The following MARCHF1 variants were observed in gnomAD, a reference collection of about 807,000 sequenced individuals.
MARCHF1 encodes membrane associated ring-CH-type finger 1.
In MARCHF1, 40 loss-of-function variants were observed where a neutral mutation model predicts 54.2. The observed-to-expected ratio is 0.74, with a 90% CI of 0.57 to 0.96. The LOEUF (loss-of-function observed/expected upper bound fraction) is 0.96, where lower values mean the gene tolerates loss of function less well. Among genes scored for constraint, MARCHF1 ranks in the 40% least tolerant of loss-of-function variants. The pLI, the probability that MARCHF1 is intolerant of heterozygous loss-of-function variation, is 0.00. For synonymous variants in MARCHF1, 236 were observed against 236.3 expected, an observed-to-expected ratio of 1.00 and a Z score of 0.01; for missense variants, 586 against 656.5, an observed-to-expected ratio of 0.89 and a Z score of 1.17.
chr4:163,876,447 A>G (rs1480790675), intron 3 of MARCHF1, among the ~76,000 whole-genome samples: 1 of 152,088 alleles, frequency 6.6e-6, no homozygotes, highest in Non-Finnish European at 1.5e-5. Flanking sequence ...CTTCCCTCCA[A>G]CTACTTCCAC....
intron 1 of MARCHF1, among the ~76,000 whole-genome samples, chr4:164,341,152 G>T (rs1394645536): frequency 6.6e-6 from 1 of 151,806 alleles, no homozygotes; most frequent in Non-Finnish European, 1.5e-5. Flanking sequence ...AAGATGCAGA[G>T]AAAGTATTTG....
intron 2 of MARCHF1, among the ~76,000 whole-genome samples, chr4:164,099,843 T>C (rs1045860880): frequency 6.6e-6 from 1 of 152,196 alleles, no homozygotes; most frequent in Non-Finnish European, 1.5e-5. Context: ...TAATACTTTT[T>C]AATTTTGTTA....
intron 6 of MARCHF1, 95 bp from the exon 7 acceptor site, chr4:163,613,133 C>T (rs1475661673): frequency 7.0e-6 from 9 of 1,277,000 alleles, no homozygotes; most frequent in African/African-American, 1.5e-5. Context: ...ACAGCATGGA[C>T]CAGAAGTAGA....
At chr4:164,205,282 C>G (rs1731575313) in intron 1 of MARCHF1, among the ~76,000 whole-genome samples, 1 of 152,160 alleles carries the variant, frequency 6.6e-6, no homozygotes, top group Non-Finnish European at 1.5e-5. Context: ...TGTCCTCAAA[C>G]TGTGCAAAGA....
intron 4 of MARCHF1, among the ~76,000 whole-genome samples, chr4:163,742,358 C>T (rs1746223036): frequency 7.1e-6 from 1 of 140,812 alleles, no homozygotes; most frequent in Non-Finnish European, 1.6e-5. Context: ...CTCCCTCCCT[C>T]CCTCCCTCTC....
intron 1 of MARCHF1, among the ~76,000 whole-genome samples, chr4:164,297,044 T>C (rs1441929498): frequency 6.6e-6 from 1 of 152,150 alleles, no homozygotes; most frequent in Admixed American, 6.5e-5. Flanking sequence ...ACCGTTAAAA[T>C]AAAATAATAA....
rs73868922 is a variant in MARCHF1, at chr4:163,877,563, C to T, written c.-38-23394G>A. On this transcript the variant is annotated intron_variant, in intron 3 of 9. Coordinates refer to ENST00000514618, the MANE Select transcript of MARCHF1 (RefSeq NM_001394959.1). Reference sequence around the variant, plus strand: ...TCACAGATACTCTCAAATTTTATCACCCTAATCTCTTTACTTTCCTTATCT... The same window carrying T: ...TCACAGATACTCTCAAATTTTATCATCCTAATCTCTTTACTTTCCTTATCT... Among the ~76,000 whole-genome samples the T allele has an allele frequency of 4.5e-3, 687 of 151,718 alleles. 3 individuals carry two copies. Among genetic ancestry groups the T allele is most frequent in the African/African-American group, 0.016 (661 of 41,406 alleles).
chr4:163,622,717 G>C (rs536772216), intron 5 of MARCHF1, among the ~76,000 whole-genome samples: 1 of 152,176 alleles, frequency 6.6e-6, no homozygotes, highest in Non-Finnish European at 1.5e-5. Context: ...ACAGCTAAAC[G>C]TGGAAGAGGG....
At chr4:163,861,883 A>C (rs1749944966) in intron 3 of MARCHF1, among the ~76,000 whole-genome samples, 1 of 152,076 alleles carries the variant, frequency 6.6e-6, no homozygotes, top group Non-Finnish European at 1.5e-5. Flanking sequence ...TAAATATATA[A>C]GACAATAAAA....
At chr4:164,140,388 AC>A (rs1333833719) in intron 1 of MARCHF1, among the ~76,000 whole-genome samples, 6 of 151,948 alleles carry the variant, frequency 3.9e-5, no homozygotes, top group Admixed American at 1.3e-4. Context: ...TTCTCAGGAA[AC>A]CAACCAATAG....
At chr4:163,884,569 C>A (rs550009240) in intron 3 of MARCHF1, among the ~76,000 whole-genome samples, 4 of 152,276 alleles carry the variant, frequency 2.6e-5, no homozygotes, top group African/African-American at 4.8e-5. Context: ...GGCCCCAAGT[C>A]CCTAGTTCAA....
intron 1 of MARCHF1, among the ~76,000 whole-genome samples, chr4:164,198,576 CTT>C (rs1343514007): frequency 6.6e-6 from 1 of 152,166 alleles, no homozygotes; most frequent in East Asian, 1.9e-4. Context: ...CTAAAACAAT[CTT>C]TTCACAGGCT....
At chr4:163,843,129 T>C (rs1272544177) in intron 4 of MARCHF1, among the ~76,000 whole-genome samples, 1 of 152,180 alleles carries the variant, frequency 6.6e-6, no homozygotes, top group Non-Finnish European at 1.5e-5. Context: ...TGGTTTTCTG[T>C]TCCTGTGTTA....
chr4:163,590,234 G>GT (rs941664932), intron 7 of MARCHF1, among the ~76,000 whole-genome samples: 5 of 139,018 alleles, frequency 3.6e-5, no homozygotes, highest in South Asian at 2.3e-4. Context: ...TTCTTCATAA[G>GT]TTTTTTTTTA....
chr4:163,991,464 T>C (rs1752966339), intron 2 of MARCHF1, among the ~76,000 whole-genome samples: 1 of 152,090 alleles, frequency 6.6e-6, no homozygotes, highest in Non-Finnish European at 1.5e-5. Context: ...CTAGAAACAA[T>C]CAGAAGTCTC....
At chr4:163,609,334 T>G (rs1306769323) in intron 7 of MARCHF1, among the ~76,000 whole-genome samples, 1 of 152,072 alleles carries the variant, frequency 6.6e-6, no homozygotes. Flanking sequence ...ACATCAACAT[T>G]TACTGTTGTC....
chr4:163,914,918 C>T (rs967111180), intron 3 of MARCHF1, among the ~76,000 whole-genome samples: 8 of 152,000 alleles, frequency 5.3e-5, no homozygotes, highest in African/African-American at 9.7e-5. Flanking sequence ...TTCGAGCTGC[C>T]GTGTTTTATA....
intron 3 of MARCHF1, among the ~76,000 whole-genome samples, chr4:163,941,588 A>G (rs1199132140): frequency 6.6e-6 from 1 of 152,110 alleles, no homozygotes; most frequent in African/African-American, 2.4e-5. Context: ...CAGTCCATAC[A>G]TAACAAACAA....
At chr4:164,133,405 T>C (rs948234271) in intron 1 of MARCHF1, among the ~76,000 whole-genome samples, 4 of 152,218 alleles carry the variant, frequency 2.6e-5, no homozygotes, top group African/African-American at 9.6e-5. Context: ...ACTGTCATTG[T>C]GATTCCCTCT....
Sources: gnomAD v4.1 joint callset for allele counts (sites outside exome capture counted in the v4.1 genomes callset) on GRCh38, gnomAD v4.1.1 for gene constraint, MANE v1.5 for transcripts, NCBI Gene and HGNC (gene_info 2026-07-23, HGNC 2026-07-21) for gene names.